The following PPM1E variants were observed in gnomAD, a reference collection of about 807,000 sequenced individuals.
PPM1E encodes protein phosphatase, Mg2+/Mn2+ dependent 1E.
PPM1E carries 20 observed loss-of-function variants against 65.9 expected under a neutral mutation model. The ratio of observed to expected loss-of-function variants is 0.30; its 90% CI spans 0.21 to 0.44. PPM1E has a LOEUF of 0.44. Among genes scored for constraint, PPM1E ranks in the 20% least tolerant of loss-of-function variants. The pLI is 1.00. For synonymous variants in PPM1E, 352 were observed against 374.9 expected (o/e 0.94, Z 0.70); for missense variants, 713 against 953.1 (o/e 0.75, Z 3.32).
chr17:58,913,582 C>T (rs545941177), intron 1 of PPM1E, among the ~76,000 whole-genome samples: 1 of 152,208 alleles, frequency 6.6e-6, no homozygotes, highest in Admixed American at 6.5e-5. Context: ...TTACTCAAGT[C>T]ACTCCCCCTG....
intron 1 of PPM1E, among the ~76,000 whole-genome samples, chr17:58,881,668 C>CA (rs1359789622): frequency 6.6e-6 from 1 of 151,094 alleles, no homozygotes; most frequent in African/African-American, 2.4e-5. Context: ...CTCAAAAAAA[C>CA]AAAAAACAAA....
At chr17:58,919,314 C>A (rs1236106755) in intron 1 of PPM1E, among the ~76,000 whole-genome samples, 1 of 152,148 alleles carries the variant, frequency 6.6e-6, no homozygotes, top group African/African-American at 2.4e-5. Flanking sequence ...AATATACAGT[C>A]ATTGAACTTG....
At chr17:58,949,532 A>G (rs1271970747) in intron 1 of PPM1E, among the ~76,000 whole-genome samples, 1 of 152,298 alleles carries the variant, frequency 6.6e-6, no homozygotes, top group East Asian at 1.9e-4. Context: ...CAAGATTATT[A>G]TTAATAGATG....
intron 1 of PPM1E, among the ~76,000 whole-genome samples, chr17:58,952,533 G>A (rs1360529560): frequency 6.6e-6 from 1 of 152,210 alleles, no homozygotes; most frequent in African/African-American, 2.4e-5. Context: ...GCATGGGAAT[G>A]TTACTGCTTG....
intron 1 of PPM1E, among the ~76,000 whole-genome samples, chr17:58,904,775 G>A (rs1567870535): frequency 6.6e-6 from 1 of 151,232 alleles, no homozygotes; most frequent in African/African-American, 2.4e-5. Flanking sequence ...AATGTAAATG[G>A]TGTTGTAGTT....
At chr17:58,870,323 ATTTTG>A (rs2051055468) in intron 1 of PPM1E, among the ~76,000 whole-genome samples, 1 of 152,026 alleles carries the variant, frequency 6.6e-6, no homozygotes. Context: ...TCTCCCAGTT[ATTTTG>A]TTTTATTTTA....
intron 1 of PPM1E, among the ~76,000 whole-genome samples, chr17:58,793,659 A>G (rs968033783): frequency 7.9e-5 from 12 of 151,648 alleles, no homozygotes; most frequent in African/African-American, 2.9e-4. Flanking sequence ...CCTGGCCAAA[A>G]TATTTGTTAT....
intron 1 of PPM1E, among the ~76,000 whole-genome samples, chr17:58,908,427 A>T (rs2051584371): frequency 6.7e-6 from 1 of 150,332 alleles, no homozygotes; most frequent in Non-Finnish European, 1.5e-5. Flanking sequence ...TAGCATATAA[A>T]TTATGCTTCT....
chr17:58,823,576 T>C (rs1490956116), intron 1 of PPM1E, among the ~76,000 whole-genome samples: 1 of 152,226 alleles, frequency 6.6e-6, no homozygotes, highest in African/African-American at 2.4e-5. Flanking sequence ...TTATTTTTTT[T>C]CCCTTAGGAA....
chr17:58,898,253 CAA>C (rs1346932052), intron 1 of PPM1E, among the ~76,000 whole-genome samples: 8 of 65,886 alleles, frequency 1.2e-4, no homozygotes, highest in Admixed American at 3.5e-4. Flanking sequence ...GACTGCGTCT[CAA>C]AAAAAAAAAA....
intron 1 of PPM1E, 107 bp downstream of exon 1, chr17:58,756,568 C>T (rs538227107): frequency 1.5e-5 from 18 of 1,191,524 alleles, no homozygotes; most frequent in Middle Eastern, 3.2e-4. Flanking sequence ...GCTCCTCTCC[C>T]CCGCACCCGC....
chr17:58,777,863 TAATG>T (rs1388519329), intron 1 of PPM1E, among the ~76,000 whole-genome samples: 1 of 152,162 alleles, frequency 6.6e-6, no homozygotes, highest in Non-Finnish European at 1.5e-5. Context: ...AGAAAGTACT[TAATG>T]AATAAAATAT....
At chr17:58,818,702 C>T (rs1374034249) in intron 1 of PPM1E, among the ~76,000 whole-genome samples, 1 of 152,246 alleles carries the variant, frequency 6.6e-6, no homozygotes, top group African/African-American at 2.4e-5. Flanking sequence ...ACTGACACCA[C>T]ATCCTTCTCG....
intron 1 of PPM1E, among the ~76,000 whole-genome samples, chr17:58,789,290 T>C (rs2050133232): frequency 6.6e-6 from 1 of 152,184 alleles, no homozygotes; most frequent in Admixed American, 6.6e-5. Flanking sequence ...ATAGCACCTC[T>C]TTAGGTTTCT....
intron 1 of PPM1E, among the ~76,000 whole-genome samples, chr17:58,773,337 G>T (rs1411827804): frequency 6.6e-6 from 1 of 152,062 alleles, no homozygotes; most frequent in East Asian, 1.9e-4. Context: ...GTTTGAAGGG[G>T]TTTGAAGGGG....
chr17:58,889,858 C>T (rs1000050153), intron 1 of PPM1E, among the ~76,000 whole-genome samples: 12 of 152,264 alleles, frequency 7.9e-5, no homozygotes, highest in African/African-American at 2.9e-4. Flanking sequence ...AAAGGCTATG[C>T]ATAATAAGCT....
chr17:58,963,814 A>G (rs2030123732), intron 2 of PPM1E, among the ~76,000 whole-genome samples: 1 of 152,124 alleles, frequency 6.6e-6, no homozygotes, highest in Admixed American at 6.5e-5. Context: ...GCTTGAGCCC[A>G]GGAAGTGGAG....
chr17:58,893,987 T>C (rs57393236), intron 1 of PPM1E, among the ~76,000 whole-genome samples: 3,535 of 152,016 alleles, frequency 0.023, 134 homozygotes, highest in African/African-American at 0.081. Flanking sequence ...AGTGGTAGGA[T>C]CCCTTGAGCT....
chr17:58,762,635 C>T (rs138931288), intron 1 of PPM1E, among the ~76,000 whole-genome samples: 17 of 152,116 alleles, frequency 1.1e-4, no homozygotes, highest in African/African-American at 3.1e-4. Flanking sequence ...CGGTGGCTCA[C>T]GCCTGTAATC....
Sources: allele counts gnomAD v4.1 joint callset (sites outside exome capture counted in the v4.1 genomes callset), GRCh38; gene constraint gnomAD v4.1.1; transcripts MANE v1.5; gene names NCBI Gene and HGNC (gene_info 2026-07-23, HGNC 2026-07-21).